CTNNA1: variants seen among roughly 807,000 people sequenced by gnomAD.
CTNNA1 encodes catenin alpha-1.
In CTNNA1, 37 loss-of-function variants were observed where a neutral mutation model predicts 98.4. That is an observed-to-expected ratio of 0.38 (90% CI 0.29 to 0.49). CTNNA1 has a LOEUF of 0.49. Among genes scored for constraint, CTNNA1 ranks in the 20% least tolerant of loss-of-function variants. CTNNA1 has a pLI of 0.95. For synonymous variants in CTNNA1, 404 were observed against 413.2 expected (o/e 0.98, Z 0.27); for missense variants, 761 against 1,147.2 (o/e 0.66, Z 4.86).
intron 3 of CTNNA1, among the ~76,000 whole-genome samples, chr5:138,799,693 T>C (rs1247073163): frequency 6.6e-6 from 1 of 152,046 alleles, no homozygotes; most frequent in Non-Finnish European, 1.5e-5. Context: ...GGGGGCTTAT[T>C]TATATACTTG....
At chr5:138,833,561 T>C (rs1021623588) in intron 7 of CTNNA1, among the ~76,000 whole-genome samples, 1 of 152,246 alleles carries the variant, frequency 6.6e-6, no homozygotes, top group African/African-American at 2.4e-5. Context: ...ACATTGGTTA[T>C]ATATGTATCT....
chr5:138,913,625 G>T (rs1172018308), intron 10 of CTNNA1, among the ~76,000 whole-genome samples: 1 of 150,522 alleles, frequency 6.6e-6, no homozygotes, highest in Non-Finnish European at 1.5e-5. Context: ...TCAATTTTCT[G>T]TGTAATTTGC....
chr5:138,775,714 CT>C (rs750615535), intron 1 of CTNNA1, among the ~76,000 whole-genome samples: 2,704 of 82,530 alleles, frequency 0.033, 17 homozygotes, highest in African/African-American at 0.1. Flanking sequence ...GGAAATATTT[CT>C]TTTTTTTTTT....
At chr5:138,803,635 A>T (rs564299402) in intron 3 of CTNNA1, among the ~76,000 whole-genome samples, 37 of 152,148 alleles carry the variant, frequency 2.4e-4, no homozygotes, top group South Asian at 1.7e-3. Flanking sequence ...CTCTACCTGG[A>T]ATGCTCTTCC....
At chr5:138,881,192 A>G in intron 7 of CTNNA1, 2 of 449,474 alleles carry the variant, frequency 4.4e-6, no homozygotes, top group East Asian at 1.4e-4. Flanking sequence ...TTGTCTGTGT[A>G]TGTCTGCAGT....
chr5:138,794,639 T>G (rs965921786), intron 3 of CTNNA1, among the ~76,000 whole-genome samples: 16 of 152,356 alleles, frequency 1.1e-4, no homozygotes, highest in African/African-American at 3.8e-4. Context: ...TCTTTGCATC[T>G]GTATTGCCAA....
intron 9 of CTNNA1, among the ~76,000 whole-genome samples, chr5:138,897,219 C>T (rs1407436210): frequency 6.7e-6 from 1 of 148,760 alleles, no homozygotes; most frequent in Non-Finnish European, 1.5e-5. Flanking sequence ...ATTCCATGGA[C>T]TACCTTGTGA....
Position 138,852,803 on chromosome 5 carries a change from A to C in CTNNA1, c.1062+25085A>C, listed in dbSNP as rs370294658. On this transcript the variant is annotated intron_variant, in intron 7 of 17. Coordinates refer to ENST00000302763, the MANE Select transcript of CTNNA1 (RefSeq NM_001903.5). ...CTAAGAACCAGTGTTACCAATCTGG[A>C]ATCAATAACTGTATACTTTCCTTTG... Among the ~76,000 whole-genome samples, 50 of 151,062 alleles carry C rather than the reference A, an allele frequency of 3.3e-4. 1 individual carries two copies. The South Asian group carries it at 9.6e-3, about 29-fold the overall frequency.
At chr5:138,866,418 T>G (rs1265484736) in intron 7 of CTNNA1, among the ~76,000 whole-genome samples, 1 of 152,024 alleles carries the variant, frequency 6.6e-6, no homozygotes, top group Non-Finnish European at 1.5e-5. Flanking sequence ...GTTTATGATG[T>G]TTTTACACCT....
chr5:138,792,944 C>T (rs1462415438), intron 3 of CTNNA1, among the ~76,000 whole-genome samples: 1 of 152,014 alleles, frequency 6.6e-6, no homozygotes, highest in Non-Finnish European at 1.5e-5. Flanking sequence ...GTTATCTTAC[C>T]TTTTCCCCTT....
chr5:138,901,472 T>G (rs1758017580), intron 9 of CTNNA1, among the ~76,000 whole-genome samples: 2 of 152,196 alleles, frequency 1.3e-5, no homozygotes, highest in Admixed American at 1.3e-4. Context: ...TTTCTTTTTT[T>G]GGGACATGGT....
In CTNNA1 at chr5:138,912,938, T is replaced by G. The variant is rs181571405; in HGVS notation, c.1390-4804T>G. Among the ~76,000 whole-genome samples the G allele has an allele frequency of 3.3e-5, 5 of 152,278 alleles. No homozygotes were observed. The East Asian group carries it at 9.6e-4, about 29-fold the overall frequency. On this transcript the variant is annotated intron_variant, in intron 10 of 17. Coordinates refer to ENST00000302763, the MANE Select transcript of CTNNA1 (RefSeq NM_001903.5). Reference sequence around the variant, plus strand: ...ATATATATTTAAATACAGACATACATAATTGAATTTATAGGTTGACGTCTC... The same window carrying G: ...ATATATATTTAAATACAGACATACAGAATTGAATTTATAGGTTGACGTCTC...
intron 1 of CTNNA1, among the ~76,000 whole-genome samples, chr5:138,776,371 G>A (rs560857431): frequency 2.0e-5 from 3 of 152,086 alleles, no homozygotes; most frequent in Admixed American, 1.3e-4. Flanking sequence ...TAAGGTCACC[G>A]ATCAACAGGA....
intron 7 of CTNNA1, chr5:138,868,977 TTA>T (rs1385406194): frequency 6.6e-6 from 1 of 151,996 alleles, no homozygotes; most frequent in Admixed American, 6.6e-5. Flanking sequence ...ACACTGCTCT[TTA>T]TGTTACCCTC....
intron 3 of CTNNA1, among the ~76,000 whole-genome samples, chr5:138,809,094 C>T (rs1287050751): frequency 6.6e-6 from 1 of 152,194 alleles, no homozygotes; most frequent in Non-Finnish European, 1.5e-5. Context: ...AAGAGATTCT[C>T]CTGCCTTGGC....
intron 3 of CTNNA1, among the ~76,000 whole-genome samples, chr5:138,785,894 A>G (rs1361156357): frequency 2.0e-5 from 3 of 152,188 alleles, no homozygotes; most frequent in Non-Finnish European, 2.9e-5. Context: ...GCGCCTGGCC[A>G]CATTTATTTT....
At position 138,934,971 on chromosome 5, in the gene CTNNA1, T is replaced by C. The variant is rs1363955919; in HGVS notation, c.*882T>C. 2 of 152,316 alleles carry C rather than the reference T, an allele frequency of 1.3e-5. No individual in the cohort carries two copies. The allele number at this position is 152,316 out of a possible 1,614,324, so 9.4% of individuals were successfully genotyped here. On this transcript the variant is annotated 3_prime_UTR_variant, in exon 18 of 18. Coordinates refer to ENST00000302763, the MANE Select transcript of CTNNA1 (RefSeq NM_001903.5). Reference sequence around the variant, plus strand: ...TATCACCTTATTTAAATTTTATGAATTAATTTGAATGTTTTTTACACTAAC... The same window carrying C: ...TATCACCTTATTTAAATTTTATGAACTAATTTGAATGTTTTTTACACTAAC...
chr5:138,881,731 T>G lies in CTNNA1; in HGVS notation c.1063-4481T>G, dbSNP rs898276849. On this transcript the variant is annotated intron_variant, in intron 7 of 17. Coordinates refer to ENST00000302763, the MANE Select transcript of CTNNA1 (RefSeq NM_001903.5). ...GAAGAAGCTTCAATGCTGATTCTTA[T>G]TTGGTCTTGTAAAATGCCATAATTC... 5.9e-5 allele frequency among the ~76,000 whole-genome samples: 9 copies of G among 151,850 alleles called. 1 individual carries two copies. Among genetic ancestry groups the G allele is most frequent in the Admixed American group, 5.2e-4 (8 of 15,256 alleles).
At chr5:138,827,470 G>A in intron 6 of CTNNA1, 45 bp from the exon 7 acceptor site, 1 of 1,591,952 alleles carries the variant, frequency 6.3e-7, no homozygotes. Flanking sequence ...GAATAAAGAA[G>A]GGAACAGAGA....
Sources: allele counts gnomAD v4.1 joint callset (sites outside exome capture counted in the v4.1 genomes callset), GRCh38; gene constraint gnomAD v4.1.1; transcripts MANE v1.5; gene names NCBI Gene and HGNC (gene_info 2026-07-23, HGNC 2026-07-21).